The following PARD6G variants were observed in gnomAD, a reference collection of about 807,000 sequenced individuals.
PARD6G encodes partitioning defective 6 homolog gamma.
A neutral mutation model predicts 10.7 loss-of-function variants in PARD6G; 7 were observed. That is an observed-to-expected ratio of 0.66 (90% CI 0.37 to 1.23). The LOEUF (loss-of-function observed/expected upper bound fraction) is 1.23. Ranked by LOEUF, PARD6G falls within the 50% of genes most tolerant of loss-of-function variation. The pLI, the probability that PARD6G is intolerant of heterozygous loss-of-function variation, is 0.02. For missense variants in PARD6G, 548 were observed against 571.8 expected (o/e 0.96, Z 0.42); for synonymous variants, 287 against 269.4 (o/e 1.07, Z -0.64).
chr18:80,233,412 G>A (rs1415721840), intron 1 of PARD6G, among the ~76,000 whole-genome samples: 1 of 152,138 alleles, frequency 6.6e-6, no homozygotes, highest in South Asian at 2.1e-4. Context: ...GTGCTGATGG[G>A]CCCAAGGTGA....
intron 1 of PARD6G, among the ~76,000 whole-genome samples, chr18:80,223,490 C>T (rs537380782): frequency 6.6e-6 from 1 of 152,102 alleles, no homozygotes; most frequent in Non-Finnish European, 1.5e-5. Flanking sequence ...AAAAAAGATA[C>T]ACAGATGACC....
At chr18:80,185,929 C>T (rs1291808857) in intron 2 of PARD6G, among the ~76,000 whole-genome samples, 30 of 138,320 alleles carry the variant, frequency 2.2e-4, no homozygotes, top group African/African-American at 6.9e-4. Context: ...CACCCTCACG[C>T]GGGCTTGCAC....
Position 80,185,121 on chromosome 18 carries a change from C to T in PARD6G, c.295+17589G>A, listed in dbSNP as rs117735962. ...CTTCACCAAATTGGACTAAAATCGACGTTGATGAATTACAATCTGAAAGTC... is the reference window on the plus strand; with the variant it reads ...CTTCACCAAATTGGACTAAAATCGATGTTGATGAATTACAATCTGAAAGTC... On this transcript the variant is annotated intron_variant, in intron 2 of 2. Coordinates refer to ENST00000353265, the MANE Select transcript of PARD6G (RefSeq NM_032510.4). 3.0e-4 allele frequency among the ~76,000 whole-genome samples: 45 copies of T among 152,266 alleles called. 2 individuals are homozygous for T. In the East Asian group the frequency reaches 8.1e-3, roughly 27 times the overall value.
rs756960962 is a variant in PARD6G at position 80,159,837 on chromosome 18, G to A, written c.1065C>T (p.Asp355=). 8 of 1,492,158 alleles carry A rather than the reference G, an allele frequency of 5.4e-6. No individual in the cohort carries two copies. Among genetic ancestry groups the A allele is most frequent in the South Asian group, 3.9e-5 (3 of 76,786 alleles). 92.4% of individuals were successfully genotyped at this position (1,492,158 alleles called of 1,614,324 possible). ...GCGGCAGCGCCAGGCTGTGACGGGG[G>A]TCGGCCCGCAGGGAGCTGAGCAGCC... ...LQRLLSSLRA[D]PRHSLALPPG... Residue 355 remains aspartate, a synonymous_variant, in exon 3 of 3, where the codon GAC becomes GAT. Coordinates refer to ENST00000353265, the MANE Select transcript of PARD6G (RefSeq NM_032510.4).
intron 2 of PARD6G, among the ~76,000 whole-genome samples, chr18:80,193,881 G>A (rs1966925368): frequency 6.6e-6 from 1 of 152,176 alleles, no homozygotes; most frequent in Non-Finnish European, 1.5e-5. Context: ...GCCTGTGTGT[G>A]TCAAGTGCCA....
intron 1 of PARD6G, among the ~76,000 whole-genome samples, chr18:80,206,309 T>C (rs1412565850): frequency 6.6e-6 from 1 of 152,196 alleles, no homozygotes; most frequent in Non-Finnish European, 1.5e-5. Flanking sequence ...AAGCATTGTA[T>C]TTAAAAATCA....
intron 1 of PARD6G, among the ~76,000 whole-genome samples, chr18:80,211,227 T>C (rs1235828243): frequency 6.6e-6 from 1 of 152,232 alleles, no homozygotes; most frequent in African/African-American, 2.4e-5. Context: ...TTTACACTTG[T>C]TCTTAAAATT....
In PARD6G at chr18:80,161,063, T is replaced by C. The variant is rs569863796; in HGVS notation, c.296-457A>G. On this transcript the variant is annotated intron_variant, in intron 2 of 2. Coordinates refer to ENST00000353265, the MANE Select transcript of PARD6G (RefSeq NM_032510.4). This position sits in a 1 kb window ranked among gnomAD's most constrained non-coding sequence, Gnocchi z 4.6. Reference sequence around the variant, plus strand: ...TACAACTAAGAGAGACCTTTCCTGCTTTCTTCTTTTCTATGCGCAAGCCCC... The same window carrying C: ...TACAACTAAGAGAGACCTTTCCTGCCTTCTTCTTTTCTATGCGCAAGCCCC... Among the ~76,000 whole-genome samples the C allele has an allele frequency of 6.6e-6, 1 of 152,312 alleles. No homozygotes were observed. The highest frequency in any genetic ancestry group is 1.9e-4 in the East Asian group (1 of 5,188).
At chr18:80,208,485 T>C (rs4799145) in intron 1 of PARD6G, among the ~76,000 whole-genome samples, 1 of 152,204 alleles carries the variant, frequency 6.6e-6, no homozygotes, top group African/African-American at 2.4e-5. Context: ...ACAGGACGGC[T>C]GCTTCAACAT....
rs990505207 is a variant in PARD6G, at chr18:80,234,978, G to A, written c.72+12299C>T. Among the ~76,000 whole-genome samples the A allele has an allele frequency of 3.1e-4, 47 of 151,978 alleles. 1 individual carries two copies. The highest frequency in any genetic ancestry group is 4.0e-4 in the Non-Finnish European group (27 of 68,012). On this transcript the variant is annotated intron_variant, in intron 1 of 2. Coordinates refer to ENST00000353265, the MANE Select transcript of PARD6G (RefSeq NM_032510.4). ...ACAGAAAATTAACAAGGATATCCAG[G>A]AATTGAACTCAGCTCTGCACCAAGC...
chr18:80,164,058 C>A (rs1263170025), intron 2 of PARD6G, among the ~76,000 whole-genome samples: 1 of 152,142 alleles, frequency 6.6e-6, no homozygotes, highest in African/African-American at 2.4e-5. Flanking sequence ...TCTGCTCTGT[C>A]TGTACAAAGA....
Position 80,199,224 on chromosome 18 carries a change from ACAG to A in PARD6G, c.295+3483_295+3485del, listed in dbSNP as rs1285614273. 2.0e-5 allele frequency among the ~76,000 whole-genome samples: 3 copies of A among 152,222 alleles called. No homozygotes were observed. In the East Asian group the frequency reaches 5.8e-4, roughly 29 times the overall value. On this transcript the variant is annotated intron_variant, in intron 2 of 2. Transcript: ENST00000353265. ...TCTGGTCACAACATTTCATCAATACACAGTCCTTGAATAATGAGAATCAACTTC... is the reference window on the plus strand; with the variant it reads ...TCTGGTCACAACATTTCATCAATACATCCTTGAATAATGAGAATCAACTTC...
rs1281821041 is a variant in PARD6G at position 80,157,349 on chromosome 18, G to A, written c.*2422C>T. On this transcript the variant is annotated 3_prime_UTR_variant, in exon 3 of 3. Coordinates refer to ENST00000353265, the MANE Select transcript of PARD6G (RefSeq NM_032510.4). The stretch of plus-strand genomic sequence containing the variant: ...AAAAGGAGAAAGTGGCAGAAGTACA[G>A]ACCTGTGTAGAAAAATACACCCAAG... The A allele has an allele frequency of 6.6e-6, 1 of 151,954 alleles. No individual in the cohort carries two copies. Among genetic ancestry groups the A allele is most frequent in the Non-Finnish European group, 1.5e-5 (1 of 68,008 alleles). The allele number at this position is 151,954 out of a possible 1,614,324, so 9.4% of individuals were successfully genotyped here.
At chr18:80,234,874 T>A (rs1392367225) in intron 1 of PARD6G, among the ~76,000 whole-genome samples, 1 of 152,122 alleles carries the variant, frequency 6.6e-6, no homozygotes, top group Admixed American at 6.6e-5. Context: ...CTTAGAGACC[T>A]ATAAAGAGAC....
intron 1 of PARD6G, among the ~76,000 whole-genome samples, chr18:80,208,663 G>A (rs1271315524): frequency 1.3e-5 from 2 of 152,138 alleles, no homozygotes; most frequent in Admixed American, 6.6e-5. Flanking sequence ...CAGCTACTTG[G>A]AGGCTGAGGC....
At chr18:80,205,452 C>A (rs1967046348) in intron 1 of PARD6G, among the ~76,000 whole-genome samples, 1 of 152,142 alleles carries the variant, frequency 6.6e-6, no homozygotes, top group Non-Finnish European at 1.5e-5. Context: ...GAATTGTAAT[C>A]CCCAGTGTTG....
intron 1 of PARD6G, among the ~76,000 whole-genome samples, chr18:80,242,397 C>T (rs571674585): frequency 2.0e-5 from 3 of 152,234 alleles, no homozygotes; most frequent in Admixed American, 6.5e-5. Flanking sequence ...CACCGGCTGT[C>T]GCACATCACA....
intron 1 of PARD6G, among the ~76,000 whole-genome samples, chr18:80,222,160 C>T (rs1356790523): frequency 6.6e-6 from 1 of 152,084 alleles, no homozygotes; most frequent in Non-Finnish European, 1.5e-5. Context: ...TCACAGCTCA[C>T]TGCAGCCTCA....
At chr18:80,234,052 T>C (rs1242663240) in intron 1 of PARD6G, among the ~76,000 whole-genome samples, 2 of 152,098 alleles carry the variant, frequency 1.3e-5, no homozygotes, top group Non-Finnish European at 2.9e-5. Context: ...GAGTGGAAGC[T>C]CTTGGCCCTG....
Sources: gnomAD v4.1 joint callset for allele counts (sites outside exome capture counted in the v4.1 genomes callset) on GRCh38, gnomAD v4.1.1 for gene constraint, Gnocchi (gnomAD v3.1) non-coding constraint, MANE v1.5 for transcripts, NCBI Gene and HGNC (gene_info 2026-07-23, HGNC 2026-07-21) for gene names.